ADORA2B: variants seen among roughly 807,000 people sequenced by gnomAD.
The protein encoded by ADORA2B is adenosine A2b receptor.
In ADORA2B, 18 loss-of-function variants were observed where a neutral mutation model predicts 20.8. The ratio of observed to expected loss-of-function variants is 0.87; its 90% CI spans 0.60 to 1.29. ADORA2B has a LOEUF of 1.29. Among genes scored for constraint, ADORA2B ranks in the 50% most tolerant of loss-of-function variants. ADORA2B has a pLI of 0.00. For synonymous variants in ADORA2B, 179 were observed against 178.3 expected (o/e 1.00, Z -0.03); for missense variants, 441 against 422.7 (o/e 1.04, Z -0.38).
At chr17:15,919,722 C>T in the ADORA2B span, among the ~76,000 whole-genome samples, 83 of 152,090 alleles carry the variant, frequency 5.5e-4, no homozygotes, top group African/African-American at 2.0e-3. Flanking sequence ...GTGGATGTGC[C>T]CAGTGGGTGG....
At chr17:15,892,455 C>T in the ADORA2B span, among the ~76,000 whole-genome samples, 1 of 151,360 alleles carries the variant, frequency 6.6e-6, no homozygotes, top group East Asian at 2.0e-4. Flanking sequence ...AGGTGTTAGC[C>T]ACCGTGCTCG....
At chr17:15,946,189 G>A (rs1397254578) in intron 1 of ADORA2B, among the ~76,000 whole-genome samples, 1 of 152,238 alleles carries the variant, frequency 6.6e-6, no homozygotes, top group African/African-American at 2.4e-5. Context: ...TTAACTTTGG[G>A]GAACGCTACG....
chr17:15,864,677 T>G, the ADORA2B span, among the ~76,000 whole-genome samples: 1 of 152,154 alleles, frequency 6.6e-6, no homozygotes, highest in African/African-American at 2.4e-5. Flanking sequence ...AATGGTTGTC[T>G]TGAGTAATGG....
chr17:15,884,922 T>C, the ADORA2B span, among the ~76,000 whole-genome samples: 6 of 152,330 alleles, frequency 3.9e-5, no homozygotes, highest in African/African-American at 9.6e-5. Context: ...TTATGTTCTT[T>C]TGGGTATATG....
At chr17:15,954,487 T>A (rs1288285207) in intron 1 of ADORA2B, among the ~76,000 whole-genome samples, 1 of 152,228 alleles carries the variant, frequency 6.6e-6, no homozygotes, top group African/African-American at 2.4e-5. Flanking sequence ...CCGCTAGGGC[T>A]TCCTTTACTG....
chr17:15,851,932 CTATAA>C, the ADORA2B span, among the ~76,000 whole-genome samples: 1 of 152,204 alleles, frequency 6.6e-6, no homozygotes, highest in East Asian at 1.9e-4. Context: ...TTTTCACACT[CTATAA>C]ATTTTAAAGA....
the ADORA2B span, among the ~76,000 whole-genome samples, chr17:15,886,492 C>T: frequency 1.5e-5 from 2 of 129,726 alleles, 1 homozygote; most frequent in Non-Finnish European, 3.3e-5. Flanking sequence ...GTGTCTCCGG[C>T]GTTTCCTTGG....
intron 1 of ADORA2B, among the ~76,000 whole-genome samples, chr17:15,953,302 G>A (rs1969928833): frequency 6.6e-6 from 1 of 152,244 alleles, no homozygotes; most frequent in Non-Finnish European, 1.5e-5. Context: ...GTCCATGAAT[G>A]AGTCGCATTT....
intron 1 of ADORA2B, among the ~76,000 whole-genome samples, chr17:15,966,552 C>T (rs563095523): frequency 3.3e-5 from 5 of 152,368 alleles, no homozygotes; most frequent in African/African-American, 1.2e-4. Flanking sequence ...TTATGCAGGC[C>T]TTGGCGGTTC....
At position 15,974,719 on chromosome 17, in the gene ADORA2B, A is replaced by G; in HGVS notation, c.376A>G (p.Ile126Val). The G allele has an allele frequency of 1.9e-6, 3 of 1,614,144 alleles. No homozygotes were observed. The highest frequency in any genetic ancestry group is 2.5e-6 in the Non-Finnish European group (3 of 1,180,024). ...CACGGGGACCCGAGCAAGAGGGGTC[A>G]TTGCTGTCCTCTGGGTCCTTGCCTT... ...LVTGTRARGV[I>V]AVLWVLAFGI... Residue 126 changes from isoleucine (I) to valine (V), a missense_variant, in exon 2 of 2, where the codon ATT (isoleucine) becomes GTT (valine). Coordinates refer to ENST00000304222, the MANE Select transcript of ADORA2B (RefSeq NM_000676.4).
chr17:15,974,986 C>A lies in ADORA2B; in HGVS notation c.643C>A (p.Arg215Ser), dbSNP rs746274860. 1 of 1,614,174 alleles carries A rather than the reference C, an allele frequency of 6.2e-7. No homozygotes were observed. Among genetic ancestry groups the A allele is most frequent in the Non-Finnish European group, 8.5e-7 (1 of 1,180,028 alleles). The change falls in exon 2 of 2, where the codon CGC (arginine) becomes AGC (serine). Residue 215 changes from arginine to serine, a missense_variant. Arg to Ser is a moderately radical substitution (Grantham distance 110). Transcript: ENST00000304222. ...CCTGGTGGCCTGCAGGCAGCTTCAGCGCACTGAGCTGATGGACCACTCGAG... is the reference window on the plus strand; with the variant it reads ...CCTGGTGGCCTGCAGGCAGCTTCAGAGCACTGAGCTGATGGACCACTCGAG... Reference protein sequence around the residue: ...IFLVACRQLQRTELMDHSRTT... With the variant: ...IFLVACRQLQSTELMDHSRTT...
chr17:15,964,212 T>C lies in ADORA2B; in HGVS notation c.336-10467T>C, dbSNP rs560211700. On this transcript the variant is annotated intron_variant, in intron 1 of 1. Transcript: ENST00000304222. ...ATCTAATAGTATCTACTTTTTTTAT[T>C]GTTGTTTTTGTGTAAGAATGGTTTT... Among the ~76,000 whole-genome samples the C allele has an allele frequency of 4.6e-5, 7 of 152,360 alleles. No individual in the cohort carries two copies. In the East Asian group the frequency reaches 1.3e-3, roughly 29 times the overall value.
At chr17:15,917,077 A>C in the ADORA2B span, among the ~76,000 whole-genome samples, 1 of 152,248 alleles carries the variant, frequency 6.6e-6, no homozygotes, top group African/African-American at 2.4e-5. Flanking sequence ...TGGGAGGACA[A>C]CATGGGAGGA....
the ADORA2B span, among the ~76,000 whole-genome samples, chr17:15,884,505 C>T: frequency 1.3e-5 from 2 of 152,030 alleles, no homozygotes; most frequent in African/African-American, 4.8e-5. Context: ...CAACAAATCA[C>T]CCATCTTAAT....
the ADORA2B span, among the ~76,000 whole-genome samples, chr17:15,900,287 C>A: frequency 6.6e-6 from 1 of 152,116 alleles, no homozygotes; most frequent in Non-Finnish European, 1.5e-5. Context: ...AATGGGATTA[C>A]TGGGTTGAAT....
chr17:15,949,975 C>A (rs1214685646), intron 1 of ADORA2B, among the ~76,000 whole-genome samples: 1 of 152,228 alleles, frequency 6.6e-6, no homozygotes, highest in Non-Finnish European at 1.5e-5. Flanking sequence ...CTTTCTCTTC[C>A]AGATCATTCC....
the ADORA2B span, among the ~76,000 whole-genome samples, chr17:15,867,528 G>C: frequency 6.6e-6 from 1 of 150,522 alleles, no homozygotes; most frequent in Non-Finnish European, 1.5e-5. Context: ...TGTCTGGGAA[G>C]TGAGGAGCGT....
the ADORA2B span, among the ~76,000 whole-genome samples, chr17:15,898,112 C>T: frequency 2.0e-4 from 31 of 152,216 alleles, no homozygotes; most frequent in African/African-American, 7.5e-4. Context: ...AGTGAGGAAA[C>T]TTACACATCT....
rs1970242238 is a variant in ADORA2B, at chr17:15,975,296, G to A, written c.953G>A (p.Gly318Glu). The change falls in exon 2 of 2, where the codon GGG becomes GAG. Residue 318 changes from glycine (G) to glutamate (E), a missense_variant. Transcript: ENST00000304222. ...YLLCQADVKS[G>E]NGQAGVQPAL... ...CTCTGCCAAGCAGATGTCAAGAGTG[G>A]GAATGGTCAGGCTGGGGTACAGCCT... The A allele has an allele frequency of 6.2e-7, 1 of 1,613,082 alleles. No homozygotes were observed. The highest frequency in any genetic ancestry group is 8.5e-7 in the Non-Finnish European group (1 of 1,179,986).
Sources: allele counts gnomAD v4.1 joint callset (sites outside exome capture counted in the v4.1 genomes callset), GRCh38; gene constraint gnomAD v4.1.1; transcripts MANE v1.5; gene names NCBI Gene and HGNC (gene_info 2026-07-23, HGNC 2026-07-21).